The following PEX3 variants were observed in gnomAD, a reference collection of about 807,000 sequenced individuals.
PEX3 encodes the protein peroxisomal biogenesis factor 3.
PEX3 carries 30 observed loss-of-function variants against 55.8 expected under a neutral mutation model. That is an observed-to-expected ratio of 0.54 (90% CI 0.40 to 0.73). The LOEUF (loss-of-function observed/expected upper bound fraction) is 0.73, where lower values mean the gene tolerates loss of function less well. Ranked by LOEUF, PEX3 falls within the 30% of genes least tolerant of loss-of-function variation. The pLI is 0.00. For missense variants in PEX3, 351 were observed against 432.8 expected (o/e 0.81, Z 1.68); for synonymous variants, 135 against 148.4 (o/e 0.91, Z 0.66).
rs897344424 is a variant in PEX3 at position 143,453,463 on chromosome 6, C to G, written c.73+2348C>G. Among the ~76,000 whole-genome samples the G allele has an allele frequency of 1.3e-5, 2 of 151,692 alleles. No homozygotes were observed. Among genetic ancestry groups the G allele is most frequent in the Admixed American group, 6.6e-5 (1 of 15,208 alleles). On this transcript the variant is annotated intron_variant, in intron 1 of 11. Transcript: ENST00000367591. The surrounding 1 kb of genome is among the most constrained non-coding windows in gnomAD (Gnocchi z 4.6). ...TGGTTTACGCGTTTGTATAATTTGA[C>G]CAGTTTGGGGGGTTTGGGTGTGTTC...
chr6:143,470,157 C>T (rs186141008), intron 4 of PEX3, among the ~76,000 whole-genome samples: 313 of 152,246 alleles, frequency 2.1e-3, no homozygotes, highest in African/African-American at 7.0e-3. Flanking sequence ...ACCATGTTGG[C>T]CAGGATGGTC....
rs985045289 is a variant in PEX3 at position 143,488,794 on chromosome 6, C to T, written c.1039-349C>T. ...TTCTAGAAAGTAATACACCCTTAAC[C>T]GTGTTATGTCAGCTTCCAGCAAAAG... is the stretch of plus-strand genomic sequence containing the variant. On this transcript the variant is annotated intron_variant, in intron 11 of 11. Transcript: ENST00000367591. The surrounding 1 kb of genome is among the most constrained non-coding windows in gnomAD (Gnocchi z 4.9). Among the ~76,000 whole-genome samples the T allele has an allele frequency of 2.0e-5, 3 of 151,980 alleles. No homozygotes were observed. Among genetic ancestry groups the T allele is most frequent in the Non-Finnish European group, 4.4e-5 (3 of 67,932 alleles).
chr6:143,488,713 T>C lies in PEX3; in HGVS notation c.1039-430T>C, dbSNP rs139763563. 1.6e-3 allele frequency among the ~76,000 whole-genome samples: 249 copies of C among 152,272 alleles called. 1 individual carries two copies. Among genetic ancestry groups the C allele is most frequent in the South Asian group, 6.8e-3 (33 of 4,834 alleles). ...ATAGTGTATATGTGTGGTTCATGTA[T>C]GTGTGTATATGTAAAATATGCACTT... On this transcript the variant is annotated intron_variant, in intron 11 of 11. Coordinates refer to ENST00000367591, the MANE Select transcript of PEX3 (RefSeq NM_003630.3). This position sits in a 1 kb window ranked among gnomAD's most constrained non-coding sequence, Gnocchi z 4.9.
chr6:143,469,385 A>G (rs1217463437), intron 4 of PEX3, among the ~76,000 whole-genome samples: 3 of 152,060 alleles, frequency 2.0e-5, no homozygotes, highest in Admixed American at 2.0e-4. Flanking sequence ...GTGTGAGATG[A>G]TATCTCATTG....
chr6:143,452,943 A>G (rs746784144), intron 1 of PEX3, among the ~76,000 whole-genome samples: 2 of 152,228 alleles, frequency 1.3e-5, no homozygotes, highest in Admixed American at 6.5e-5. Context: ...AGCTCTTCCT[A>G]TTTAAGCAGA....
At chr6:143,480,730 G>GA (rs1780223589) in intron 10 of PEX3, among the ~76,000 whole-genome samples, 1 of 152,242 alleles carries the variant, frequency 6.6e-6, no homozygotes, top group African/African-American at 2.4e-5. Context: ...AGTAAGTCAA[G>GA]AAAAAACAAA....
intron 9 of PEX3, among the ~76,000 whole-genome samples, chr6:143,477,557 T>C (rs1204799663): frequency 6.6e-6 from 1 of 152,056 alleles, no homozygotes; most frequent in Non-Finnish European, 1.5e-5. Flanking sequence ...TGTAAGTGGG[T>C]AGATGGGTGG....
Position 143,451,146 on chromosome 6 carries a change from T to C in PEX3, c.73+31T>C. 1 of 1,421,416 alleles carries C rather than the reference T, an allele frequency of 7.0e-7. No homozygotes were observed. The highest frequency in any genetic ancestry group is 1.4e-5 in the African/African-American group (1 of 71,274). The allele number at this position is 1,421,416 out of a possible 1,614,324, so 88.1% of individuals were successfully genotyped here. On this transcript the variant is annotated intron_variant, in intron 1 of 11. Coordinates refer to ENST00000367591, the MANE Select transcript of PEX3 (RefSeq NM_003630.3). The surrounding 1 kb of genome is among the most constrained non-coding windows in gnomAD (Gnocchi z 4.1). ...TGACAACGTGCTTGAAAGGGGGCATTGGGAGAAGGGGGTGGGAGAGGTGAC... is the reference window on the plus strand; with the variant it reads ...TGACAACGTGCTTGAAAGGGGGCATCGGGAGAAGGGGGTGGGAGAGGTGAC...
At chr6:143,460,149 A>G (rs1287322445) in intron 2 of PEX3, among the ~76,000 whole-genome samples, 2 of 152,246 alleles carry the variant, frequency 1.3e-5, no homozygotes, top group Non-Finnish European at 2.9e-5. Context: ...ATTTAATTTT[A>G]AAATTAGAAA....
At chr6:143,455,937 G>C (rs1656754041) in intron 1 of PEX3, among the ~76,000 whole-genome samples, 1 of 152,108 alleles carries the variant, frequency 6.6e-6, no homozygotes, top group African/African-American at 2.4e-5. Flanking sequence ...TGAAATAGTT[G>C]CATTGTAGGG....
In PEX3 at chr6:143,479,502, C is replaced by T. The variant is rs1413423638; in HGVS notation, c.941+304C>T. 6.6e-6 allele frequency among the ~76,000 whole-genome samples: 1 copy of T among 151,932 alleles called. No individual in the cohort carries two copies. Among genetic ancestry groups the T allele is most frequent in the African/African-American group, 2.4e-5 (1 of 41,394 alleles). ...TTAACTCTTTAGAATACAAAACTCA[C>T]AATATGTTTTAATTTTAATGCATTC... On this transcript the variant is annotated intron_variant, in intron 10 of 11. Transcript: ENST00000367591. This position sits in a 1 kb window ranked among gnomAD's most constrained non-coding sequence, Gnocchi z 4.6.
At position 143,471,466 on chromosome 6, in the gene PEX3, T is replaced by C. The variant is rs767407454; in HGVS notation, c.523+17T>C. On this transcript the variant is annotated intron_variant, in intron 6 of 11. Transcript: ENST00000367591. The surrounding 1 kb of genome is among the most constrained non-coding windows in gnomAD (Gnocchi z 5.4). The stretch of plus-strand genomic sequence containing the variant: ...TTGGAGATGGTAAGATTCTTATTTG[T>C]GACTTTTATACTAATTTTAATTCAT... 6.3e-7 allele frequency: 1 copy of C among 1,578,732 alleles called. No homozygotes were observed. The highest frequency in any genetic ancestry group is 1.7e-5 in the Admixed American group (1 of 59,978).
Position 143,471,022 on chromosome 6 carries a change from C to T in PEX3, c.393C>T (p.Val131=), listed in dbSNP as rs753881655. The T allele has an allele frequency of 1.2e-6, 2 of 1,612,668 alleles. No individual in the cohort carries two copies. Among genetic ancestry groups the T allele is most frequent in the South Asian group, 1.1e-5 (1 of 91,050 alleles). ...GTATGCTGGTTGTTCTTTTGCGGGT[C>T]CAGTTAAACATAATTGGTGGATATA... ...STCMLVVLLR[V]QLNIIGGYIY... Residue 131 remains valine (V), a synonymous_variant, in exon 5 of 12, where the codon GTC becomes GTT. Transcript: ENST00000367591. This position sits in a 1 kb window ranked among gnomAD's most constrained non-coding sequence, Gnocchi z 5.4.
chr6:143,452,843 G>T (rs868834534), intron 1 of PEX3, among the ~76,000 whole-genome samples: 1 of 152,162 alleles, frequency 6.6e-6, no homozygotes, highest in Non-Finnish European at 1.5e-5. Context: ...AATGCTGAAG[G>T]TAATATAAAT....
At chr6:143,461,581 GAAA>G (rs34748871) in intron 2 of PEX3, among the ~76,000 whole-genome samples, 3,173 of 143,952 alleles carry the variant, frequency 0.022, 102 homozygotes, top group African/African-American at 0.074. Flanking sequence ...TGATATACTA[GAAA>G]AAAAAAAAAA....
chr6:143,485,978 C>G lies in PEX3; in HGVS notation c.1038+730C>G, dbSNP rs1207682075. ...GAGACCCTATGGCCTAAGCATAAAG[C>G]TGACATCTTCTTAGTGTAACTTGTC... On this transcript the variant is annotated intron_variant, in intron 11 of 11. Transcript: ENST00000367591. This position sits in a 1 kb window ranked among gnomAD's most constrained non-coding sequence, Gnocchi z 5.6. Among the ~76,000 whole-genome samples, 1 of 152,124 alleles carries G rather than the reference C, an allele frequency of 6.6e-6. No individual in the cohort carries two copies. The highest frequency in any genetic ancestry group is 1.5e-5 in the Non-Finnish European group (1 of 68,000).
At chr6:143,468,788 T>A (rs1156474738) in intron 4 of PEX3, among the ~76,000 whole-genome samples, 1 of 132,264 alleles carries the variant, frequency 7.6e-6, no homozygotes, top group African/African-American at 2.8e-5. Flanking sequence ...ATTAGGTATA[T>A]CTCCTAATGC....
chr6:143,472,404 T>G, intron 8 of PEX3, 76 bp downstream of exon 8: 1 of 1,019,260 alleles, frequency 9.8e-7, no homozygotes, highest in Non-Finnish European at 1.5e-6. Flanking sequence ...AATTTTGATT[T>G]CTGAGTCTCT....
rs561781033 is a variant in PEX3, at chr6:143,474,892, G to A, written c.818+36G>A. The A allele has an allele frequency of 1.9e-5, 20 of 1,078,064 alleles. 1 individual carries two copies. In the South Asian group the frequency reaches 2.5e-4, roughly 13 times the overall value. 66.8% of individuals were successfully genotyped at this position (1,078,064 alleles called of 1,614,324 possible). The stretch of plus-strand genomic sequence containing the variant: ...TTCATGTAGCAGGAAAAATATGTGT[G>A]TATGTTGAATGTACTTGAGACTATT... On this transcript the variant is annotated intron_variant, in intron 9 of 11. Transcript: ENST00000367591.
Sources: gnomAD v4.1 joint callset for allele counts (sites outside exome capture counted in the v4.1 genomes callset) on GRCh38, gnomAD v4.1.1 for gene constraint, Gnocchi (gnomAD v3.1) non-coding constraint, MANE v1.5 for transcripts, NCBI Gene and HGNC (gene_info 2026-07-23, HGNC 2026-07-21) for gene names.